The following RBM15B variants were observed in gnomAD, a reference collection of about 807,000 sequenced individuals.
The protein encoded by RBM15B is putative RNA-binding protein 15B.
RBM15B carries 11 observed loss-of-function variants against 53.3 expected under a neutral mutation model. The observed-to-expected ratio is 0.21, with a 90% confidence interval of 0.13 to 0.34. RBM15B has a LOEUF of 0.34. RBM15B is among the 10% of genes least tolerant of loss of function. RBM15B has a pLI of 1.00. For synonymous variants in RBM15B, 631 were observed against 540.7 expected (o/e 1.17, Z -2.32); for missense variants, 1,136 against 1,250.3 (o/e 0.91, Z 1.38).
chr3:51,391,463 C>A lies in RBM15B; in HGVS notation c.64C>A (p.Arg22Ser). 3 of 1,256,978 alleles carry A rather than the reference C, an allele frequency of 2.4e-6. No individual in the cohort carries two copies. Among genetic ancestry groups the A allele is most frequent in the South Asian group, 2.5e-5 (1 of 39,386 alleles). 77.9% of individuals were successfully genotyped at this position (1,256,978 alleles called of 1,614,324 possible). A position where few individuals can be genotyped will look rare whatever the true frequency, so the allele number is the denominator to read the frequency against. The part of the protein sequence containing the change: ...SGRGSSSSAK[R>S]PREREREAEA... ...GCGCGGCTCGTCATCGTCCGCCAAGCGTCCGCGGGAGCGCGAACGGGAGGC... is the reference window on the plus strand; with the variant it reads ...GCGCGGCTCGTCATCGTCCGCCAAGAGTCCGCGGGAGCGCGAACGGGAGGC... The change falls in exon 1 of 1, where the codon CGT becomes AGT. Residue 22 changes from arginine to serine, a missense_variant. Transcript: ENST00000563281. The surrounding 1 kb of genome is among the most constrained non-coding windows in gnomAD (Gnocchi z 4.5).
Position 51,396,990 on chromosome 3 carries a change from A to G in RBM15B, c.*2918A>G, listed in dbSNP as rs2089245963. 1 of 167,082 alleles carries G rather than the reference A, an allele frequency of 6.0e-6. No individual in the cohort carries two copies. Among genetic ancestry groups the G allele is most frequent in the Non-Finnish European group, 1.5e-5 (1 of 68,118 alleles). 10.3% of individuals were successfully genotyped at this position (167,082 alleles called of 1,614,324 possible). A position where few individuals can be genotyped will look rare whatever the true frequency, so the allele number is the denominator to read the frequency against. ...CAGAGGACCAAGAAATACCTGTGTG[A>G]CACAGACCCACTTCAGTGTGTACAG... On this transcript the variant is annotated 3_prime_UTR_variant, in exon 1 of 1. Coordinates refer to ENST00000563281, the MANE Select transcript of RBM15B (RefSeq NM_013286.5).
chr3:51,396,349 C>T lies in RBM15B; in HGVS notation c.*2277C>T, dbSNP rs992806804. The T allele has an allele frequency of 4.7e-5, 8 of 170,664 alleles. No homozygotes were observed. Among genetic ancestry groups the T allele is most frequent in the African/African-American group, 1.9e-4 (8 of 41,636 alleles). 10.6% of individuals were successfully genotyped at this position (170,664 alleles called of 1,614,324 possible). On this transcript the variant is annotated 3_prime_UTR_variant, in exon 1 of 1. Coordinates refer to ENST00000563281, the MANE Select transcript of RBM15B (RefSeq NM_013286.5). ...GGTGAGGAGTAACACCCTGGCATGA[C>T]ATTCCTTCTCTTTCCTGGCCCTCAA...
At position 51,393,137 on chromosome 3, in the gene RBM15B, G is replaced by C. The variant is rs782392292; in HGVS notation, c.1738G>C (p.Ala580Pro). Residue 580 changes from alanine to proline, a missense_variant, in exon 1 of 1, where the codon GCA becomes CCA. Physicochemically the swap from Ala to Pro is conservative, Grantham distance 27 (BLOSUM62 -1). This residue lies in a region of RBM15B where 578 missense variants were observed against 581.6 expected (regional missense o/e 0.99). Coordinates refer to ENST00000563281, the MANE Select transcript of RBM15B (RefSeq NM_013286.5). This position sits in a 1 kb window ranked among gnomAD's most constrained non-coding sequence, Gnocchi z 5.6. The stretch of plus-strand genomic sequence containing the variant: ...CAGCCGGAGTGGTGAGCGTTGGGGG[G>C]CAGATGGAGACCGTGGTTTGCCCAA... ...VRSRSGERWG[A>P]DGDRGLPKPW... The C allele has an allele frequency of 3.1e-6, 5 of 1,613,966 alleles. No homozygotes were observed. In the African/African-American group the frequency reaches 6.7e-5, roughly 22 times the overall value.
rs1303815234 is a variant in RBM15B, at chr3:51,396,367, G to A, written c.*2295G>A. 1 of 168,474 alleles carries A rather than the reference G, an allele frequency of 5.9e-6. No individual in the cohort carries two copies. Among genetic ancestry groups the A allele is most frequent in the Non-Finnish European group, 1.4e-5 (1 of 69,112 alleles). 10.4% of individuals were successfully genotyped at this position (168,474 alleles called of 1,614,324 possible). ...GGCATGACATTCCTTCTCTTTCCTGGCCCTCAACCACTTCCTTCCTTTGGC... is the reference window on the plus strand; with the variant it reads ...GGCATGACATTCCTTCTCTTTCCTGACCCTCAACCACTTCCTTCCTTTGGC... On this transcript the variant is annotated 3_prime_UTR_variant, in exon 1 of 1. Transcript: ENST00000563281.
Position 51,392,925 on chromosome 3 carries a change from A to C in RBM15B, c.1526A>C (p.His509Pro). ...QQYQPSPLPV[H>P]YELLTDGYTR... ...TACCAGCCCTCGCCACTCCCTGTGCATTATGAGCTGCTCACAGATGGATAC... is the reference window on the plus strand; with the variant it reads ...TACCAGCCCTCGCCACTCCCTGTGCCTTATGAGCTGCTCACAGATGGATAC... The change falls in exon 1 of 1, where the codon CAT becomes CCT. Residue 509 changes from histidine (H) to proline (P), a missense_variant. By Grantham distance (77) the His-to-Pro change is moderately conservative. This residue lies in a region of RBM15B where 578 missense variants were observed against 581.6 expected (regional missense o/e 0.99). Coordinates refer to ENST00000563281, the MANE Select transcript of RBM15B (RefSeq NM_013286.5). This position sits in a 1 kb window ranked among gnomAD's most constrained non-coding sequence, Gnocchi z 7.5. The C allele has an allele frequency of 6.2e-7, 1 of 1,613,844 alleles. No homozygotes were observed. The highest frequency in any genetic ancestry group is 8.5e-7 in the Non-Finnish European group (1 of 1,180,038).
In RBM15B at chr3:51,393,867, A is replaced by G; in HGVS notation, c.2468A>G (p.Asn823Ser). The change falls in exon 1 of 1, where the codon AAC (asparagine) becomes AGC (serine). Residue 823 changes from asparagine to serine, a missense_variant. By Grantham distance (46) the Asn-to-Ser change is conservative. Transcript: ENST00000563281. This position sits in a 1 kb window ranked among gnomAD's most constrained non-coding sequence, Gnocchi z 5.6. Reference sequence around the variant, plus strand: ...GGTCTGCAGAGGCGGCTTCTCAGGAACCTGGTCTCCTACTTGAAACAGAAG... The same window carrying G: ...GGTCTGCAGAGGCGGCTTCTCAGGAGCCTGGTCTCCTACTTGAAACAGAAG... ...EPGLQRRLLR[N>S]LVSYLKQKQA... is the part of the protein sequence containing the mutation. 1 of 1,582,426 alleles carries G rather than the reference A, an allele frequency of 6.3e-7. No homozygotes were observed. The highest frequency in any genetic ancestry group is 8.6e-7 in the Non-Finnish European group (1 of 1,166,274).
Position 51,391,456 on chromosome 3 carries a change from C to G in RBM15B, c.57C>G (p.Ser19=), listed in dbSNP as rs57700326. 0.044 allele frequency: 55,339 copies of G among 1,266,764 alleles called. 4,899 individuals carry two copies. The highest frequency in any genetic ancestry group is 0.32 in the East Asian group (9,293 of 28,760). 78.5% of individuals were successfully genotyped at this position (1,266,764 alleles called of 1,614,324 possible). The change falls in exon 1 of 1, where the codon TCC becomes TCG. Residue 19 remains serine (S), a synonymous_variant. Transcript: ENST00000563281. The surrounding 1 kb of genome is among the most constrained non-coding windows in gnomAD (Gnocchi z 4.5). The stretch of plus-strand genomic sequence containing the variant: ...CGAGCGGGCGCGGCTCGTCATCGTC[C>G]GCCAAGCGTCCGCGGGAGCGCGAAC... ...SSPSGRGSSS[S]AKRPRERERE... is the part of the protein sequence containing the mutation.
In RBM15B at chr3:51,394,150, C is replaced by A; in HGVS notation, c.*78C>A. 1 of 1,319,194 alleles carries A rather than the reference C, an allele frequency of 7.6e-7. No individual in the cohort carries two copies. The highest frequency in any genetic ancestry group is 9.7e-7 in the Non-Finnish European group (1 of 1,026,168). 81.7% of individuals were successfully genotyped at this position (1,319,194 alleles called of 1,614,324 possible). ...AAAATCTGATCCCCTCTCTACCCTA[C>A]CACTTTGGTTTGAATTATCTCCTGG... On this transcript the variant is annotated 3_prime_UTR_variant, in exon 1 of 1. Coordinates refer to ENST00000563281, the MANE Select transcript of RBM15B (RefSeq NM_013286.5).
rs1483531560 is a variant in RBM15B, at chr3:51,391,876, C to T, written c.477C>T (p.Leu159=). The change falls in exon 1 of 1, where the codon CTC becomes CTT. Residue 159 remains leucine, a synonymous_variant. Transcript: ENST00000563281. This position sits in a 1 kb window ranked among gnomAD's most constrained non-coding sequence, Gnocchi z 4.5. The stretch of plus-strand genomic sequence containing the variant: ...CCGCCGAGCACCTCGAGGACCGGCT[C>T]TTCCACCAGTTCAAGCGCTTCGGCG... ...ALPAEHLEDR[L]FHQFKRFGEI... is the part of the protein sequence containing the mutation. 3.7e-6 allele frequency: 6 copies of T among 1,603,926 alleles called. No homozygotes were observed. Among genetic ancestry groups the T allele is most frequent in the Admixed American group, 1.7e-5 (1 of 59,980 alleles).
Position 51,392,252 on chromosome 3 carries a change from G to C in RBM15B, c.853G>C (p.Ala285Pro), listed in dbSNP as rs563544843. The C allele has an allele frequency of 8.2e-6, 13 of 1,594,066 alleles. No individual in the cohort carries two copies. In the South Asian group the frequency reaches 1.3e-4, roughly 16 times the overall value. The change falls in exon 1 of 1, where the codon GCC becomes CCC. Residue 285 changes from alanine (A) to proline (P), a missense_variant. By Grantham distance (27) the Ala-to-Pro change is conservative. Transcript: ENST00000563281. The surrounding 1 kb of genome is among the most constrained non-coding windows in gnomAD (Gnocchi z 7.5). ...REPRARHAAAAFALDAAAAAA... is the reference protein window; with the variant it reads ...REPRARHAAAPFALDAAAAAA... ...GCCCCGTGCCCGTCACGCCGCCGCAGCCTTCGCCCTGGATGCCGCTGCTGC... is the reference window on the plus strand; with the variant it reads ...GCCCCGTGCCCGTCACGCCGCCGCACCCTTCGCCCTGGATGCCGCTGCTGC...
Position 51,396,252 on chromosome 3 carries a change from T to TG in RBM15B, c.*2180_*2181insG. The TG allele has an allele frequency of 4.0e-6, 1 of 251,324 alleles. No homozygotes were observed. The highest frequency in any genetic ancestry group is 5.7e-5 in the Admixed American group (1 of 17,672). The allele number at this position is 251,324 out of a possible 1,614,324, so 15.6% of individuals were successfully genotyped here. On this transcript the variant is annotated 3_prime_UTR_variant, in exon 1 of 1. Coordinates refer to ENST00000563281, the MANE Select transcript of RBM15B (RefSeq NM_013286.5). ...AGAAAACGTGCCTAGAGAAGACACT[T>TG]CAACCTTTGCCTTATCCAACCCCTC...
Position 51,391,542 on chromosome 3 carries a change from C to T in RBM15B, c.143C>T (p.Pro48Leu). ...AHKASGGAKHPVPARARDKPR... is the reference protein window; with the variant it reads ...AHKASGGAKHLVPARARDKPR... The stretch of plus-strand genomic sequence containing the variant: ...AAGGCCTCTGGCGGCGCCAAGCACC[C>T]GGTTCCAGCGCGGGCCCGCGACAAA... The change falls in exon 1 of 1, where the codon CCG becomes CTG. Residue 48 changes from proline (P) to leucine (L), a missense_variant. By Grantham distance (98) the Pro-to-Leu change is moderately conservative (BLOSUM62 -3). This residue lies in a region of RBM15B where 257 missense variants were observed against 261.1 expected (regional missense o/e 0.98). Transcript: ENST00000563281. The surrounding 1 kb of genome is among the most constrained non-coding windows in gnomAD (Gnocchi z 4.5). 14 of 1,174,360 alleles carry T rather than the reference C, an allele frequency of 1.2e-5. No homozygotes were observed. The highest frequency in any genetic ancestry group is 1.5e-5 in the Non-Finnish European group (14 of 951,514). 72.7% of individuals were successfully genotyped at this position (1,174,360 alleles called of 1,614,324 possible). A position where few individuals can be genotyped will look rare whatever the true frequency, so the allele number is the denominator to read the frequency against.
In RBM15B at chr3:51,391,661, T is replaced by G; in HGVS notation, c.262T>G (p.Ser88Ala). ...HRASSGRSSG[S>A]GAGGGGRGGK... ...CGCGAGTAGCGGGCGCTCCTCGGGC[T>G]CCGGCGCTGGCGGCGGGGGACGCGG... Residue 88 changes from serine to alanine, a missense_variant, in exon 1 of 1, where the codon TCC becomes GCC. Physicochemically the swap from Ser to Ala is moderately conservative, Grantham distance 99. Transcript: ENST00000563281. The surrounding 1 kb of genome is among the most constrained non-coding windows in gnomAD (Gnocchi z 4.5). The G allele has an allele frequency of 7.5e-6, 9 of 1,205,448 alleles. No individual in the cohort carries two copies. The highest frequency in any genetic ancestry group is 9.3e-6 in the Non-Finnish European group (9 of 972,362). 74.7% of individuals were successfully genotyped at this position (1,205,448 alleles called of 1,614,324 possible). A position where few individuals can be genotyped will look rare whatever the true frequency, so the allele number is the denominator to read the frequency against.
rs2089175865 is a variant in RBM15B at position 51,395,986 on chromosome 3, G to A, written c.*1914G>A. On this transcript the variant is annotated 3_prime_UTR_variant, in exon 1 of 1. Transcript: ENST00000563281. ...CAGCAGGACACGCCACCATTCCAGG[G>A]TAGCTGGTACCGCCAGAAACAGGAG... The A allele has an allele frequency of 4.8e-6, 2 of 413,250 alleles. No individual in the cohort carries two copies. Among genetic ancestry groups the A allele is most frequent in the Middle Eastern group, 6.2e-4 (1 of 1,612 alleles). 25.6% of individuals were successfully genotyped at this position (413,250 alleles called of 1,614,324 possible).
Position 51,394,114 on chromosome 3 carries a change from G to A in RBM15B, c.*42G>A, listed in dbSNP as rs782679734. 121 of 1,380,510 alleles carry A rather than the reference G, an allele frequency of 8.8e-5. No individual in the cohort carries two copies. The highest frequency in any genetic ancestry group is 1.1e-4 in the Admixed American group (4 of 35,754). The allele number at this position is 1,380,510 out of a possible 1,614,324, so 85.5% of individuals were successfully genotyped here. A position where few individuals can be genotyped will look rare whatever the true frequency, so the allele number is the denominator to read the frequency against. ...CCAGCGTCATGTTTGTGTCACAAAA[G>A]CAGTTATTTTAAAATCTGATCCCCT... On this transcript the variant is annotated 3_prime_UTR_variant, in exon 1 of 1. Transcript: ENST00000563281.
At position 51,395,746 on chromosome 3, in the gene RBM15B, GGA is replaced by G. The variant is rs556830659; in HGVS notation, c.*1678_*1679del. On this transcript the variant is annotated 3_prime_UTR_variant, in exon 1 of 1. Coordinates refer to ENST00000563281, the MANE Select transcript of RBM15B (RefSeq NM_013286.5). ...GAGGCTGGGGCTCACTGCAGGCTGTGGAGAGGTCATGCTGGTCCACAGGAACA... is the reference window on the plus strand; with the variant it reads ...GAGGCTGGGGCTCACTGCAGGCTGTGGAGGTCATGCTGGTCCACAGGAACA... The G allele has an allele frequency of 1.6e-4, 67 of 413,464 alleles. No individual in the cohort carries two copies. Among genetic ancestry groups the G allele is most frequent in the African/African-American group, 1.2e-3 (58 of 48,746 alleles). 25.6% of individuals were successfully genotyped at this position (413,464 alleles called of 1,614,324 possible).
chr3:51,394,262 A>G lies in RBM15B; in HGVS notation c.*190A>G, dbSNP rs528888338. 3.9e-6 allele frequency: 3 copies of G among 776,058 alleles called. No individual in the cohort carries two copies. The African/African-American group carries it at 5.4e-5, about 14-fold the overall frequency. The allele number at this position is 776,058 out of a possible 1,614,324, so 48.1% of individuals were successfully genotyped here. A position where few individuals can be genotyped will look rare whatever the true frequency, so the allele number is the denominator to read the frequency against. ...GATTTTGGGGGATTTTTTTTTTTAA[A>G]CGATGAGAAGGGAATCCGGTTATGT... On this transcript the variant is annotated 3_prime_UTR_variant, in exon 1 of 1. Coordinates refer to ENST00000563281, the MANE Select transcript of RBM15B (RefSeq NM_013286.5).
rs782259746 is a variant in RBM15B at position 51,392,829 on chromosome 3, C to T, written c.1430C>T (p.Pro477Leu). The T allele has an allele frequency of 5.0e-6, 8 of 1,614,052 alleles. No individual in the cohort carries two copies. The highest frequency in any genetic ancestry group is 1.1e-5 in the South Asian group (1 of 91,088). ...QAACAKMRGFPLGGPDRRLRV... is the reference protein window; with the variant it reads ...QAACAKMRGFLLGGPDRRLRV... ...GCCTGTGCTAAAATGAGGGGTTTTCCCTTGGGTGGACCAGACCGCAGGCTC... is the reference window on the plus strand; with the variant it reads ...GCCTGTGCTAAAATGAGGGGTTTTCTCTTGGGTGGACCAGACCGCAGGCTC... The change falls in exon 1 of 1, where the codon CCC becomes CTC. Residue 477 changes from proline to leucine, a missense_variant. Coordinates refer to ENST00000563281, the MANE Select transcript of RBM15B (RefSeq NM_013286.5). The surrounding 1 kb of genome is among the most constrained non-coding windows in gnomAD (Gnocchi z 7.5).
In RBM15B at chr3:51,393,395, C is replaced by G; in HGVS notation, c.1996C>G (p.His666Asp). 6.2e-7 allele frequency: 1 copy of G among 1,613,488 alleles called. No homozygotes were observed. The highest frequency in any genetic ancestry group is 8.5e-7 in the Non-Finnish European group (1 of 1,179,832). ...SRHGAEERGH[H>D]HHHHEAADSS... Reference sequence around the variant, plus strand: ...ACATGGGGCTGAGGAACGGGGCCACCACCACCACCACCACGAGGCTGCAGA... The same window carrying G: ...ACATGGGGCTGAGGAACGGGGCCACGACCACCACCACCACGAGGCTGCAGA... The change falls in exon 1 of 1, where the codon CAC becomes GAC. Residue 666 changes from histidine to aspartate, a missense_variant. This residue lies in a region of RBM15B where 578 missense variants were observed against 581.6 expected (regional missense o/e 0.99). Transcript: ENST00000563281. This position sits in a 1 kb window ranked among gnomAD's most constrained non-coding sequence, Gnocchi z 5.6.
Sources: gnomAD v4.1 joint callset for allele counts on GRCh38, gnomAD v4.1.1 for gene constraint, gnomAD v4.1.1 regional missense constraint, Gnocchi (gnomAD v3.1) non-coding constraint, MANE v1.5 for transcripts, NCBI Gene and HGNC (gene_info 2026-07-23, HGNC 2026-07-21) for gene names.